Variants in HTR2A observed in about 807,000 individuals in gnomAD.
HTR2A encodes the protein 5-HT2 receptor.
HTR2A carries 14 observed loss-of-function variants against 31.0 expected under a neutral mutation model. The observed-to-expected ratio is 0.45, with a 90% CI of 0.30 to 0.71. The LOEUF (loss-of-function observed/expected upper bound fraction) is 0.71. Among genes scored for constraint, HTR2A ranks in the 30% least tolerant of loss-of-function variants. The pLI is 0.09. For missense variants in HTR2A, 442 were observed against 573.3 expected (o/e 0.77, Z 2.34); for synonymous variants, 209 against 225.2 (o/e 0.93, Z 0.64).
chr13:46,851,474 C>T (rs1950684479), intron 3 of HTR2A, among the ~76,000 whole-genome samples: 1 of 152,182 alleles, frequency 6.6e-6, no homozygotes, highest in African/African-American at 2.4e-5. Flanking sequence ...TACACATATG[C>T]ATGTTAAATG....
chr13:46,883,698 C>T (rs183638816), intron 3 of HTR2A, among the ~76,000 whole-genome samples: 2 of 152,140 alleles, frequency 1.3e-5, no homozygotes, highest in African/African-American at 2.4e-5. Context: ...TTATACGTTG[C>T]GGTGAAGTCA....
In HTR2A at chr13:46,834,869, C is replaced by G; in HGVS notation, c.1384G>C (p.Asp462His). 1.9e-6 allele frequency: 3 copies of G among 1,613,634 alleles called. No individual in the cohort carries two copies. Among genetic ancestry groups the G allele is most frequent in the Non-Finnish European group, 2.5e-6 (3 of 1,179,770 alleles). Reference protein sequence around the residue: ...HSEEASKDNSDGVNEKVSCV With the variant: ...HSEEASKDNSHGVNEKVSCV ...CAGCTCACCTTTTCATTCACTCCGT[C>G]GCTATTGTCTTTAGAAGCCTCTTCA... The change falls in exon 4 of 4, where the codon GAC (aspartate) becomes CAC (histidine). Residue 462 changes from aspartate to histidine, a missense_variant. By Grantham distance (81) the Asp-to-His change is moderately conservative. Around this residue, in one of 5 missense-constraint regions of HTR2A, gnomAD observed 88 missense variants for 83.1 expected, o/e 1.06. Transcript: ENST00000542664.
At chr13:46,885,104 C>G (rs145428652) in intron 3 of HTR2A, among the ~76,000 whole-genome samples, 1 of 151,870 alleles carries the variant, frequency 6.6e-6, no homozygotes, top group Non-Finnish European at 1.5e-5. Flanking sequence ...ATAAAGAAAG[C>G]ACAGTAAGAG....
At chr13:46,865,952 C>A (rs542046695) in intron 3 of HTR2A, among the ~76,000 whole-genome samples, 3 of 152,136 alleles carry the variant, frequency 2.0e-5, no homozygotes, top group Non-Finnish European at 2.9e-5. Context: ...GTGCTTGAGA[C>A]GAGGTAAGCT....
At chr13:46,876,079 T>G (rs967361177) in intron 3 of HTR2A, among the ~76,000 whole-genome samples, 3 of 152,178 alleles carry the variant, frequency 2.0e-5, no homozygotes, top group African/African-American at 7.2e-5. Flanking sequence ...TATAAAAATA[T>G]CCTTTAAAGA....
chr13:46,855,878 G>T (rs1041855354), intron 3 of HTR2A, among the ~76,000 whole-genome samples: 5 of 152,152 alleles, frequency 3.3e-5, no homozygotes, highest in Admixed American at 6.5e-5. Context: ...AAAAGTAAGG[G>T]TGCCAAAGGT....
intron 3 of HTR2A, among the ~76,000 whole-genome samples, chr13:46,850,972 T>A (rs756748137): frequency 3.3e-5 from 5 of 152,224 alleles, no homozygotes; most frequent in Non-Finnish European, 5.9e-5. Flanking sequence ...TTCCTCCAAA[T>A]TAACCTATAG....
rs1265334171 is a variant in HTR2A, at chr13:46,895,499, C to T, written c.408G>A (p.Leu136=). Residue 136 remains leucine, a synonymous_variant, in exon 2 of 4, where the codon CTG becomes CTA. Coordinates refer to ENST00000542664, the MANE Select transcript of HTR2A (RefSeq NM_000621.5). The surrounding 1 kb of genome is among the most constrained non-coding windows in gnomAD (Gnocchi z 4.4). ...TGGGAAACTAATGCCACTCACCATA[C>T]AGGATGGTTAACATGGACACGGGCA... The part of the protein sequence containing the change: ...LVMPVSMLTI[L]YGYRWPLPSK... The T allele has an allele frequency of 6.2e-7, 1 of 1,613,454 alleles. No homozygotes were observed. Among genetic ancestry groups the T allele is most frequent in the Non-Finnish European group, 8.5e-7 (1 of 1,179,636 alleles).
chr13:46,880,281 C>T (rs1950950058), intron 3 of HTR2A, among the ~76,000 whole-genome samples: 1 of 152,148 alleles, frequency 6.6e-6, no homozygotes, highest in African/African-American at 2.4e-5. Flanking sequence ...TAGCTCCTTG[C>T]ATGGTGACGA....
Position 46,896,130 on chromosome 13 carries a change from G to C in HTR2A, c.-224C>G. The C allele has an allele frequency of 7.9e-7, 1 of 1,272,512 alleles. No individual in the cohort carries two copies. The highest frequency in any genetic ancestry group is 9.9e-7 in the Non-Finnish European group (1 of 1,013,208). The allele number at this position is 1,272,512 out of a possible 1,614,324, so 78.8% of individuals were successfully genotyped here. A position where few individuals can be genotyped will look rare whatever the true frequency, so the allele number is the denominator to read the frequency against. ...ATTCACAATTTTAGGAGAGTCCACT[G>C]TTTGGTTTTATTATTTTCTCACCAA... is the stretch of plus-strand genomic sequence containing the variant. On this transcript the variant is annotated 5_prime_UTR_variant, in exon 2 of 4. Transcript: ENST00000542664.
At chr13:46,896,472 T>C (rs1001027730) in intron 1 of HTR2A, among the ~76,000 whole-genome samples, 4 of 152,344 alleles carry the variant, frequency 2.6e-5, no homozygotes, top group African/African-American at 9.6e-5. Context: ...TTAAGCTGAA[T>C]TGCCACAGCT....
chr13:46,891,075 G>C (rs1427996709), intron 3 of HTR2A, among the ~76,000 whole-genome samples: 1 of 152,178 alleles, frequency 6.6e-6, no homozygotes, highest in Non-Finnish European at 1.5e-5. Context: ...CATGGTGCTG[G>C]AAGTTTAGAG....
intron 3 of HTR2A, among the ~76,000 whole-genome samples, chr13:46,873,601 C>A (rs192345573): frequency 6.6e-6 from 1 of 151,916 alleles, no homozygotes; most frequent in Non-Finnish European, 1.5e-5. Context: ...ACCCCCTCCC[C>A]CTACCCCACA....
chr13:46,894,728 T>G (rs911758609), intron 2 of HTR2A, among the ~76,000 whole-genome samples: 17 of 152,206 alleles, frequency 1.1e-4, no homozygotes, highest in African/African-American at 4.1e-4. Context: ...GGAAAGAATA[T>G]CACATTCTGG....
In HTR2A at chr13:46,834,844, C is replaced by T. The variant is rs1876379582; in HGVS notation, c.1409G>A (p.Cys470Tyr). ...NSDGVNEKVSCV is the reference protein window; with the variant it reads ...NSDGVNEKVSYV ...GCCACGGCAACTAGCCTATCACACA[C>T]AGCTCACCTTTTCATTCACTCCGTC... Residue 470 changes from cysteine (C) to tyrosine (Y), a missense_variant, in exon 4 of 4, where the codon TGT becomes TAT. Around this residue, in one of 5 missense-constraint regions of HTR2A, gnomAD observed 88 missense variants for 83.1 expected, o/e 1.06. Transcript: ENST00000542664. The T allele has an allele frequency of 1.9e-6, 3 of 1,611,024 alleles. No individual in the cohort carries two copies. Among genetic ancestry groups the T allele is most frequent in the Non-Finnish European group, 2.5e-6 (3 of 1,178,224 alleles).
At chr13:46,857,427 C>T (rs1950746692) in intron 3 of HTR2A, among the ~76,000 whole-genome samples, 1 of 152,144 alleles carries the variant, frequency 6.6e-6, no homozygotes, top group Non-Finnish European at 1.5e-5. Flanking sequence ...CTCACTGCAT[C>T]CTCACAGGAT....
At chr13:46,896,626 C>G (rs981225543) in intron 1 of HTR2A, 48 bp downstream of exon 1, 1 of 1,387,738 alleles carries the variant, frequency 7.2e-7, no homozygotes, top group African/African-American at 1.5e-5. Context: ...GATTTCAAAC[C>G]GGAAAGAAAA....
At chr13:46,881,964 G>A (rs1423534105) in intron 3 of HTR2A, among the ~76,000 whole-genome samples, 1 of 152,004 alleles carries the variant, frequency 6.6e-6, no homozygotes, top group African/African-American at 2.4e-5. Flanking sequence ...GGACCTAAAT[G>A]AGCATGCTAT....
intron 3 of HTR2A, among the ~76,000 whole-genome samples, chr13:46,887,923 G>T (rs1593444874): frequency 6.6e-6 from 1 of 151,886 alleles, no homozygotes; most frequent in Non-Finnish European, 1.5e-5. Flanking sequence ...GGTGGGGGGA[G>T]GTGGGAGGGA....
Sources: allele counts gnomAD v4.1 joint callset (sites outside exome capture counted in the v4.1 genomes callset), GRCh38; gene constraint gnomAD v4.1.1; regional missense constraint gnomAD v4.1.1; non-coding constraint Gnocchi (gnomAD v3.1); transcripts MANE v1.5; gene names NCBI Gene and HGNC (gene_info 2026-07-23, HGNC 2026-07-21).